CCDC85A: variants seen among roughly 807,000 people sequenced by gnomAD.
CCDC85A encodes coiled-coil domain-containing protein 85A.
A neutral mutation model predicts 50.2 loss-of-function variants in CCDC85A; 38 were observed. The ratio of observed to expected loss-of-function variants is 0.76; its 90% confidence interval spans 0.58 to 0.99. The LOEUF is 0.99. Among genes scored for constraint, CCDC85A ranks in the 50% least tolerant of loss-of-function variants. The probability of loss-of-function intolerance (pLI) is 0.00; values close to 1 mark genes in which losing one functional copy is unlikely to be tolerated. For synonymous variants in CCDC85A, 366 were observed against 301.4 expected, an observed-to-expected ratio of 1.21 and a Z score of -2.22; for missense variants, 820 against 742.0, an observed-to-expected ratio of 1.11 and a Z score of -1.22.
At chr2:56,374,741 G>A (rs1196286144) in intron 4 of CCDC85A, among the ~76,000 whole-genome samples, 2 of 152,198 alleles carry the variant, frequency 1.3e-5, no homozygotes, top group African/African-American at 4.8e-5. Flanking sequence ...CCCCGGAGTT[G>A]AAGGCTGCAG....
rs552339572 is a variant in CCDC85A at position 56,224,327 on chromosome 2, G to A, written c.1240+30887G>A. Among the ~76,000 whole-genome samples the A allele has an allele frequency of 2.0e-5, 3 of 152,270 alleles. No homozygotes were observed. The East Asian group carries it at 5.8e-4, about 29-fold the overall frequency. On this transcript the variant is annotated intron_variant, in intron 2 of 5. Coordinates refer to ENST00000407595, the MANE Select transcript of CCDC85A (RefSeq NM_001080433.2). Reference sequence around the variant, plus strand: ...TCTTTTCACTGGGGACTAATATATTGTATGCATATACCGCATTTGAAAAAA... The same window carrying A: ...TCTTTTCACTGGGGACTAATATATTATATGCATATACCGCATTTGAAAAAA...
chr2:56,201,923 A>G (rs557775004), intron 2 of CCDC85A, among the ~76,000 whole-genome samples: 1 of 152,274 alleles, frequency 6.6e-6, no homozygotes, highest in African/African-American at 2.4e-5. Context: ...ACTTCCAAAG[A>G]AGGTTAGTGA....
chr2:56,332,665 C>T (rs372188935), intron 2 of CCDC85A, among the ~76,000 whole-genome samples: 3 of 145,168 alleles, frequency 2.1e-5, no homozygotes, highest in African/African-American at 2.5e-5. Flanking sequence ...CTCTCTCCCC[C>T]TCTCTCACTG....
intron 2 of CCDC85A, among the ~76,000 whole-genome samples, chr2:56,321,079 A>G (rs952262558): frequency 7.2e-5 from 11 of 152,210 alleles, no homozygotes; most frequent in Admixed American, 3.3e-4. Flanking sequence ...GGCCTCTGAC[A>G]AAATTCAACA....
chr2:56,184,651 G>A lies in CCDC85A; in HGVS notation c.27G>A (p.Ala9=). The A allele has an allele frequency of 1.4e-6, 2 of 1,443,152 alleles. No homozygotes were observed. The highest frequency in any genetic ancestry group is 1.8e-6 in the Non-Finnish European group (2 of 1,111,232). The allele number at this position is 1,443,152 out of a possible 1,614,324, so 89.4% of individuals were successfully genotyped here. A position where few individuals can be genotyped will look rare whatever the true frequency, so the allele number is the denominator to read the frequency against. The change falls in exon 1 of 6, where the codon GCG becomes GCA. Residue 9 remains alanine (A), a synonymous_variant. Transcript: ENST00000407595. The stretch of plus-strand genomic sequence containing the variant: ...TGTCGAAGGCGGCCGGAGGCGCGGC[G>A]GCGGCTGCGGCGGCGGCGGAAAGTT... MSKAAGGA[A]AAAAAAESCS... is the part of the protein sequence containing the mutation.
chr2:56,337,784 T>C (rs1558647850), intron 2 of CCDC85A, among the ~76,000 whole-genome samples: 2 of 151,788 alleles, frequency 1.3e-5, no homozygotes, highest in African/African-American at 2.4e-5. Context: ...TAGGCTCCTT[T>C]TTTTTTTCTT....
chr2:56,352,788 A>G (rs1028185592), intron 3 of CCDC85A, among the ~76,000 whole-genome samples: 6 of 152,244 alleles, frequency 3.9e-5, no homozygotes, highest in Non-Finnish European at 1.5e-5. Context: ...ATTGCTAGAA[A>G]TAACACCAAA....
chr2:56,286,114 T>C (rs575601574), intron 2 of CCDC85A, among the ~76,000 whole-genome samples: 1 of 152,112 alleles, frequency 6.6e-6, no homozygotes, highest in East Asian at 1.9e-4. Flanking sequence ...CTGTCATTAA[T>C]GTACGCATCT....
intron 2 of CCDC85A, among the ~76,000 whole-genome samples, chr2:56,289,515 G>A (rs1671607883): frequency 6.6e-6 from 1 of 152,126 alleles, no homozygotes; most frequent in Non-Finnish European, 1.5e-5. Context: ...ACCAGAGGGA[G>A]CAGCATGAGA....
chr2:56,316,977 G>A (rs752484967), intron 2 of CCDC85A, among the ~76,000 whole-genome samples: 1 of 151,986 alleles, frequency 6.6e-6, no homozygotes. Flanking sequence ...CCAGAGTTAC[G>A]ATTTTTCTTC....
chr2:56,255,147 C>A (rs1186228785), intron 2 of CCDC85A, among the ~76,000 whole-genome samples: 1 of 152,160 alleles, frequency 6.6e-6, no homozygotes, highest in Non-Finnish European at 1.5e-5. Context: ...TTACTTCTGC[C>A]CATGGTCCAT....
At chr2:56,265,990 C>T (rs2104039408) in intron 2 of CCDC85A, among the ~76,000 whole-genome samples, 1 of 152,226 alleles carries the variant, frequency 6.6e-6, no homozygotes, top group East Asian at 1.9e-4. Flanking sequence ...CTGTCATTTG[C>T]CACATCGTGA....
intron 2 of CCDC85A, among the ~76,000 whole-genome samples, chr2:56,306,682 G>T (rs1161525252): frequency 1.3e-5 from 2 of 152,090 alleles, no homozygotes; most frequent in Non-Finnish European, 2.9e-5. Flanking sequence ...TTTGCAACTG[G>T]AGATCTTCTA....
chr2:56,357,627 A>G (rs1675299229), intron 3 of CCDC85A, among the ~76,000 whole-genome samples: 1 of 143,714 alleles, frequency 7.0e-6, no homozygotes, highest in African/African-American at 2.6e-5. Flanking sequence ...GGGACATTGT[A>G]GGTCATGGAA....
chr2:56,218,617 G>T (rs1022755496), intron 2 of CCDC85A, among the ~76,000 whole-genome samples: 1 of 151,646 alleles, frequency 6.6e-6, no homozygotes, highest in African/African-American at 2.4e-5. Flanking sequence ...CTTATTACCT[G>T]GTCCATATTT....
At chr2:56,382,524 G>C (rs1256751328) in intron 5 of CCDC85A, among the ~76,000 whole-genome samples, 2 of 151,966 alleles carry the variant, frequency 1.3e-5, no homozygotes, top group Admixed American at 1.3e-4. Context: ...TTTTGTAGTA[G>C]TTGTTTTATT....
At chr2:56,337,646 G>T (rs1230595980) in intron 2 of CCDC85A, among the ~76,000 whole-genome samples, 1 of 152,018 alleles carries the variant, frequency 6.6e-6, no homozygotes, top group East Asian at 1.9e-4. Flanking sequence ...TTTCTCCTTC[G>T]TAAGAACTAC....
At chr2:56,297,120 A>T (rs1261358970) in intron 2 of CCDC85A, among the ~76,000 whole-genome samples, 1 of 152,076 alleles carries the variant, frequency 6.6e-6, no homozygotes, top group Non-Finnish European at 1.5e-5. Flanking sequence ...TTTACTGAGG[A>T]AATACTTATT....
At chr2:56,345,848 A>G (rs1181874463) in intron 3 of CCDC85A, among the ~76,000 whole-genome samples, 2 of 152,230 alleles carry the variant, frequency 1.3e-5, no homozygotes, top group African/African-American at 4.8e-5. Flanking sequence ...TGCAAGGTCA[A>G]TTCAATGAGA....
Sources: allele counts gnomAD v4.1 joint callset (sites outside exome capture counted in the v4.1 genomes callset), GRCh38; gene constraint gnomAD v4.1.1; transcripts MANE v1.5; gene names NCBI Gene and HGNC (gene_info 2026-07-23, HGNC 2026-07-21).